PTAR1: variants seen among roughly 807,000 people sequenced by gnomAD.
PTAR1 encodes protein prenyltransferase alpha subunit repeat-containing protein 1.
A neutral mutation model predicts 45.5 loss-of-function variants in PTAR1; 17 were observed. That is an observed-to-expected ratio of 0.37 (90% CI 0.26 to 0.56). The LOEUF (loss-of-function observed/expected upper bound fraction) is 0.56. Among genes scored for constraint, PTAR1 ranks in the 20% least tolerant of loss-of-function variants. The probability of loss-of-function intolerance (pLI) is 0.77; values close to 1 mark genes in which losing one functional copy is unlikely to be tolerated. For synonymous variants in PTAR1, 169 were observed against 171.3 expected, an observed-to-expected ratio of 0.99 and a Z score of 0.11; for missense variants, 391 against 476.3, an observed-to-expected ratio of 0.82 and a Z score of 1.67.
chr9:69,722,262 C>A (rs563765288), intron 6 of PTAR1, among the ~76,000 whole-genome samples: 2 of 152,284 alleles, frequency 1.3e-5, no homozygotes, highest in East Asian at 3.9e-4. Flanking sequence ...GCAAGTCTTT[C>A]ATTTACAAAT....
At chr9:69,741,764 TATC>T in intron 3 of PTAR1, 25 bp downstream of exon 3, 1 of 1,509,964 alleles carries the variant, frequency 6.6e-7, no homozygotes, top group Non-Finnish European at 9.1e-7. Context: ...GGACAAACTT[TATC>T]ATATCACTAA....
At chr9:69,732,398 C>A (rs1337982049) in intron 4 of PTAR1, 46 bp from the exon 5 acceptor site, 4 of 1,365,290 alleles carry the variant, frequency 2.9e-6, no homozygotes, top group Admixed American at 1.8e-5. Flanking sequence ...AGAACATAAA[C>A]CAGAGAGAAA....
At chr9:69,740,326 T>C (rs1250736011) in intron 3 of PTAR1, among the ~76,000 whole-genome samples, 1 of 152,126 alleles carries the variant, frequency 6.6e-6, no homozygotes, top group South Asian at 2.1e-4. Flanking sequence ...CCATGAATCT[T>C]AGGCCTAGGT....
chr9:69,711,664 A>AGCT lies in PTAR1; in HGVS notation c.*6675_*6677dup, dbSNP rs1824529998. 6.6e-6 allele frequency: 1 copy of AGCT among 152,216 alleles called. No individual in the cohort carries two copies. Among genetic ancestry groups the AGCT allele is most frequent in the African/African-American group, 2.4e-5 (1 of 41,460 alleles). The allele number at this position is 152,216 out of a possible 1,614,324, so 9.4% of individuals were successfully genotyped here. A position where few individuals can be genotyped will look rare whatever the true frequency, so the allele number is the denominator to read the frequency against. On this transcript the variant is annotated 3_prime_UTR_variant, in exon 8 of 8. Coordinates refer to ENST00000340434, the MANE Select transcript of PTAR1 (RefSeq NM_001099666.2). ...CAGCAGTTCTCTCTAGAGTTCAGCC[A>AGCT]GCTGCTTATTAAGACATTTAATTAC...
At chr9:69,752,559 T>C (rs903886568) in intron 1 of PTAR1, among the ~76,000 whole-genome samples, 1 of 152,094 alleles carries the variant, frequency 6.6e-6, no homozygotes, top group Non-Finnish European at 1.5e-5. Context: ...TTTGATATAC[T>C]ATATCAATAC....
intron 3 of PTAR1, among the ~76,000 whole-genome samples, chr9:69,736,374 T>G (rs1327269538): frequency 6.6e-6 from 1 of 152,096 alleles, no homozygotes; most frequent in African/African-American, 2.4e-5. Context: ...CTGGCCAACA[T>G]GGTGAAACTT....
chr9:69,722,867 A>G (rs1255003669), intron 6 of PTAR1, among the ~76,000 whole-genome samples: 2 of 146,964 alleles, frequency 1.4e-5, no homozygotes, highest in Non-Finnish European at 3.0e-5. Context: ...TGAACCTTGG[A>G]GGCCGAGATT....
At chr9:69,735,869 T>A (rs1825763278) in intron 3 of PTAR1, among the ~76,000 whole-genome samples, 1 of 151,162 alleles carries the variant, frequency 6.6e-6, no homozygotes, top group Non-Finnish European at 1.5e-5. Flanking sequence ...GACATACTAT[T>A]TATAAAGTTT....
At chr9:69,747,835 GA>G (rs1162654838) in intron 2 of PTAR1, among the ~76,000 whole-genome samples, 2 of 152,188 alleles carry the variant, frequency 1.3e-5, no homozygotes, top group African/African-American at 4.8e-5. Flanking sequence ...TGTGTGCTAA[GA>G]ATCTGCAACC....
rs398010830 is a variant in PTAR1, at chr9:69,734,258, TAAAAAAAAA to T, written c.324-13_324-5del. 95 of 207,678 alleles carry T rather than the reference TAAAAAAAAA, an allele frequency of 4.6e-4. No homozygotes were observed. The South Asian group carries it at 4.6e-3, about 10-fold the overall frequency. 12.9% of individuals were successfully genotyped at this position (207,678 alleles called of 1,614,324 possible). A position where few individuals can be genotyped will look rare whatever the true frequency, so the allele number is the denominator to read the frequency against. On this transcript the variant is annotated splice_polypyrimidine_tract_variant and splice_region_variant and intron_variant, in intron 3 of 7. Transcript: ENST00000340434. The stretch of plus-strand genomic sequence containing the variant: ...GCCAGAGAGGATCAGCTCTTTCCTG[TAAAAAAAAA>T]AAAAAAAAAAAAAAAAAATTAAACA...
intron 1 of PTAR1, among the ~76,000 whole-genome samples, chr9:69,754,656 T>C (rs1237337263): frequency 7.0e-6 from 1 of 143,688 alleles, no homozygotes; most frequent in East Asian, 2.2e-4. Context: ...TCCTCTCACC[T>C]CAGATCTCCT....
intron 1 of PTAR1, among the ~76,000 whole-genome samples, chr9:69,752,284 C>A (rs1006905947): frequency 6.6e-6 from 1 of 152,022 alleles, no homozygotes; most frequent in Non-Finnish European, 1.5e-5. Context: ...GAGAAACACC[C>A]TGTCTTTTTG....
At chr9:69,741,739 T>C (rs1187614122) in intron 3 of PTAR1, 53 bp downstream of exon 3, 4 of 1,207,348 alleles carry the variant, frequency 3.3e-6, no homozygotes, top group Non-Finnish European at 4.8e-6. Flanking sequence ...GGGGCTTACA[T>C]GTCTTCAGAA....
chr9:69,742,514 C>T (rs974796421), intron 2 of PTAR1, among the ~76,000 whole-genome samples: 59 of 152,112 alleles, frequency 3.9e-4, no homozygotes, highest in African/African-American at 1.2e-3. Context: ...TTGTTTTTAA[C>T]GTTATAGGTG....
At chr9:69,744,616 GCTCAGGTGATCCACC>G (rs1438585089) in intron 2 of PTAR1, among the ~76,000 whole-genome samples, 1 of 152,030 alleles carries the variant, frequency 6.6e-6, no homozygotes. Context: ...GAACTCCCGA[GCTCAGGTGATCCACC>G]CGCCTCAGTC....
intron 5 of PTAR1, among the ~76,000 whole-genome samples, chr9:69,727,590 C>A (rs371402027): frequency 1.1e-4 from 17 of 151,288 alleles, no homozygotes; most frequent in African/African-American, 4.1e-4. Flanking sequence ...AACAGGGAAT[C>A]CTTTCTCTAA....
intron 2 of PTAR1, among the ~76,000 whole-genome samples, chr9:69,747,678 A>T (rs1022511150): frequency 6.6e-6 from 1 of 152,196 alleles, no homozygotes; most frequent in Non-Finnish European, 1.5e-5. Context: ...TGTCCCAGCC[A>T]ACTATTGCCA....
At position 69,760,009 on chromosome 9, in the gene PTAR1, A is replaced by T; in HGVS notation, c.-71T>A. 1 of 1,253,120 alleles carries T rather than the reference A, an allele frequency of 8.0e-7. No individual in the cohort carries two copies. The highest frequency in any genetic ancestry group is 1.0e-6 in the Non-Finnish European group (1 of 993,682). The allele number at this position is 1,253,120 out of a possible 1,614,324, so 77.6% of individuals were successfully genotyped here. ...GGCCGCCGGCGGGAGTTCCGCGGAGAACGAGCGCGCGCGCGCGCGCGCGGG... is the reference window on the plus strand; with the variant it reads ...GGCCGCCGGCGGGAGTTCCGCGGAGTACGAGCGCGCGCGCGCGCGCGCGGG... On this transcript the variant is annotated 5_prime_UTR_variant, in exon 1 of 8. Coordinates refer to ENST00000340434, the MANE Select transcript of PTAR1 (RefSeq NM_001099666.2).
chr9:69,745,197 T>C (rs1415226126), intron 2 of PTAR1, among the ~76,000 whole-genome samples: 1 of 152,072 alleles, frequency 6.6e-6, no homozygotes, highest in Non-Finnish European at 1.5e-5. Context: ...AATGAGGAGG[T>C]TGTTCCTTTA....
Sources: allele counts gnomAD v4.1 joint callset (sites outside exome capture counted in the v4.1 genomes callset), GRCh38; gene constraint gnomAD v4.1.1; transcripts MANE v1.5; gene names NCBI Gene and HGNC (gene_info 2026-07-23, HGNC 2026-07-21).